YEATS2: variants seen among roughly 807,000 people sequenced by gnomAD.
YEATS2 encodes the protein YEATS domain-containing protein 2.
Under a neutral mutation model 163.2 loss-of-function variants are expected in YEATS2, and 77 were observed. That is an observed-to-expected ratio of 0.47 (90% CI 0.39 to 0.57). YEATS2 has a LOEUF of 0.57. YEATS2 is among the 20% of genes least tolerant of loss of function. The pLI, the probability that YEATS2 is intolerant of heterozygous loss-of-function variation, is 0.00. For synonymous variants in YEATS2, 631 were observed against 645.1 expected (o/e 0.98, Z 0.33); for missense variants, 1,549 against 1,729.8 (o/e 0.90, Z 1.85).
Position 183,808,060 on chromosome 3 carries a change from C to A in YEATS2, c.4042C>A (p.His1348Asn). ...GATCACCCTGCAGCCCGTGGCACTC[C>A]ACAGGAACGTGTATGCGTCCGTGGT... is the stretch of plus-strand genomic sequence containing the variant. ...IGITLQPVALHRNVYASVVED... is the reference protein window; with the variant it reads ...IGITLQPVALNRNVYASVVED... Residue 1348 changes from histidine (H) to asparagine (N), a missense_variant, in exon 29 of 31, where the codon CAC becomes AAC. Physicochemically the swap from His to Asn is moderately conservative, Grantham distance 68. Coordinates refer to ENST00000305135, the MANE Select transcript of YEATS2 (RefSeq NM_018023.5). The A allele has an allele frequency of 6.4e-7, 1 of 1,563,614 alleles. No homozygotes were observed. Among genetic ancestry groups the A allele is most frequent in the Admixed American group, 1.9e-5 (1 of 52,740 alleles).
rs869091775 is a variant in YEATS2 at position 183,730,052 on chromosome 3, G to GTTTTTTTTTTTTTTTTTTTT, written c.812+1217_812+1236dup. On this transcript the variant is annotated intron_variant, in intron 7 of 30. Coordinates refer to ENST00000305135, the MANE Select transcript of YEATS2 (RefSeq NM_018023.5). ...ATATTAATTGTGTGGTTTTTTGTTT[G>GTTTTTTTTTTTTTTTTTTTT]TTTTTTTTTTTTTTTTTTTTTTTTT... is the stretch of plus-strand genomic sequence containing the variant. Among the ~76,000 whole-genome samples the GTTTTTTTTTTTTTTTTTTTT allele has an allele frequency of 9.6e-5, 4 of 41,698 alleles. 1 individual carries two copies. Among genetic ancestry groups the GTTTTTTTTTTTTTTTTTTTT allele is most frequent in the African/African-American group, 2.5e-4 (3 of 12,130 alleles). 27.4% of individuals were successfully genotyped at this position (41,698 alleles called of 152,430 possible).
chr3:183,736,535 G>A (rs1409615175), intron 7 of YEATS2, among the ~76,000 whole-genome samples, 183 bp from the exon 8 acceptor site: 1 of 152,118 alleles, frequency 6.6e-6, no homozygotes, highest in African/African-American at 2.4e-5. Flanking sequence ...TTTGAGTTGA[G>A]TTTTTTCTTT....
chr3:183,699,352 G>A (rs1713820985), intron 1 of YEATS2, among the ~76,000 whole-genome samples: 1 of 151,680 alleles, frequency 6.6e-6, no homozygotes, highest in Non-Finnish European at 1.5e-5. Flanking sequence ...TTATGAAGTC[G>A]GTGTGTTGAG....
chr3:183,785,347 G>A (rs1361837020), intron 19 of YEATS2, among the ~76,000 whole-genome samples: 3 of 151,532 alleles, frequency 2.0e-5, no homozygotes, highest in Admixed American at 1.3e-4. Flanking sequence ...AATTAGTTGG[G>A]CGTGGTGGCA....
intron 18 of YEATS2, among the ~76,000 whole-genome samples, chr3:183,776,692 G>A (rs780731646): frequency 2.0e-5 from 3 of 152,120 alleles, no homozygotes; most frequent in African/African-American, 4.8e-5. Context: ...GGTGGCTCAC[G>A]CCTGTAATCC....
At chr3:183,787,110 A>T (rs1210736944) in intron 20 of YEATS2, among the ~76,000 whole-genome samples, 1 of 151,998 alleles carries the variant, frequency 6.6e-6, no homozygotes, top group East Asian at 1.9e-4. Flanking sequence ...ACGCACCACC[A>T]TGTCCGGCTA....
In YEATS2 at chr3:183,807,064, C is replaced by T; in HGVS notation, c.3983C>T (p.Ser1328Phe). The change falls in exon 28 of 31, where the codon TCT becomes TTT. Residue 1328 changes from serine (S) to phenylalanine (F), a missense_variant. Ser to Phe is a radical substitution (Grantham distance 155). Transcript: ENST00000305135. ...VKFYLPPTPG[S>F]EFIGDVTQKI... ...TTCTACCTGCCACCAACCCCAGGGT[C>T]TGAATTTATTGGGGATGTCACACAG... 1 of 1,613,836 alleles carries T rather than the reference C, an allele frequency of 6.2e-7. No individual in the cohort carries two copies. Among genetic ancestry groups the T allele is most frequent in the African/African-American group, 1.3e-5 (1 of 75,042 alleles).
At chr3:183,773,002 A>G (rs1311483536) in intron 16 of YEATS2, among the ~76,000 whole-genome samples, 2 of 152,238 alleles carry the variant, frequency 1.3e-5, no homozygotes, top group Non-Finnish European at 2.9e-5. Context: ...TAACAATGTA[A>G]TAACAATGTA....
At chr3:183,790,695 A>G (rs963470445) in intron 20 of YEATS2, 102 bp from the exon 21 acceptor site, 8 of 1,286,084 alleles carry the variant, frequency 6.2e-6, no homozygotes, top group Middle Eastern at 4.2e-4. Flanking sequence ...TTAACACCTA[A>G]TAGATGATAT....
In YEATS2 at chr3:183,756,694, G is replaced by C; in HGVS notation, c.1552+5G>C. ...GAGCCACCACTCCCAGTACAGGTGT[G>C]TATTAGATCCATATTTGTACCATCT... is the stretch of plus-strand genomic sequence containing the variant. On this transcript the variant is annotated splice_donor_5th_base_variant and intron_variant, in intron 12 of 30. Transcript: ENST00000305135. 1 of 1,515,750 alleles carries C rather than the reference G, an allele frequency of 6.6e-7. No homozygotes were observed. Among genetic ancestry groups the C allele is most frequent in the Non-Finnish European group, 8.8e-7 (1 of 1,130,694 alleles). 93.9% of individuals were successfully genotyped at this position (1,515,750 alleles called of 1,614,324 possible).
At chr3:183,709,216 C>T (rs563490177) in intron 1 of YEATS2, among the ~76,000 whole-genome samples, 2 of 152,036 alleles carry the variant, frequency 1.3e-5, no homozygotes, top group Admixed American at 6.6e-5. Flanking sequence ...AAAACTCAGA[C>T]TTGGTTATGT....
chr3:183,738,164 T>C (rs1181785694), intron 8 of YEATS2, among the ~76,000 whole-genome samples: 1 of 152,098 alleles, frequency 6.6e-6, no homozygotes, highest in Non-Finnish European at 1.5e-5. Flanking sequence ...ATTCCCTCTT[T>C]TGGGGCCTTC....
intron 28 of YEATS2, 45 bp downstream of exon 28, chr3:183,807,137 A>G: frequency 6.4e-7 from 1 of 1,552,122 alleles, no homozygotes; most frequent in Non-Finnish European, 8.8e-7. Context: ...ACCAGCTCAG[A>G]GCTAGATGTT....
At chr3:183,787,039 C>T (rs1189773366) in intron 20 of YEATS2, among the ~76,000 whole-genome samples, 3 of 152,076 alleles carry the variant, frequency 2.0e-5, no homozygotes, top group Admixed American at 2.0e-4. Context: ...ACTGGAACCT[C>T]CATCTCCCGG....
At chr3:183,797,805 TG>T in intron 21 of YEATS2, 117 bp from the exon 22 acceptor site, 1 of 1,298,730 alleles carries the variant, frequency 7.7e-7, no homozygotes, top group Non-Finnish European at 1.1e-6. Flanking sequence ...CTTTGTTTAC[TG>T]GAAGGTTAAA....
rs1227203612 is a variant in YEATS2 at position 183,722,904 on chromosome 3, G to A, written c.537+768G>A. On this transcript the variant is annotated intron_variant, in intron 5 of 30. Transcript: ENST00000305135. ...CCTGACTTCATGATCTGCCTGCCTC[G>A]GCCTCTCAAAGTGCTGGGATTACAG... 3.3e-5 allele frequency among the ~76,000 whole-genome samples: 5 copies of A among 152,082 alleles called. No homozygotes were observed. In the South Asian group the frequency reaches 6.2e-4, roughly 19 times the overall value.
In YEATS2 at chr3:183,762,451, G is replaced by A. The variant is rs2293032; in HGVS notation, c.1947+172G>A. The stretch of plus-strand genomic sequence containing the variant: ...GTTGGTGTGAAACTCTTCTACTCCT[G>A]TAGTAATCATTGGCAAGAGCCGCGT... On this transcript the variant is annotated intron_variant, in intron 15 of 30. Coordinates refer to ENST00000305135, the MANE Select transcript of YEATS2 (RefSeq NM_018023.5). Among the ~76,000 whole-genome samples the A allele has an allele frequency of 0.012, 1,849 of 152,342 alleles. 66 individuals are homozygous for A. In the East Asian group the frequency reaches 0.14, roughly 12 times the overall value.
rs1443367918 is a variant in YEATS2, at chr3:183,785,641, G to A, written c.2737-484G>A. 2.6e-5 allele frequency among the ~76,000 whole-genome samples: 4 copies of A among 151,984 alleles called. No homozygotes were observed. In the East Asian group the frequency reaches 7.7e-4, roughly 29 times the overall value. ...ATTACACTCCAGCCTAGGTGACAGA[G>A]CAAGACCCTGTCTCTAAAAAAATAA... is the stretch of plus-strand genomic sequence containing the variant. On this transcript the variant is annotated intron_variant, in intron 19 of 30. Coordinates refer to ENST00000305135, the MANE Select transcript of YEATS2 (RefSeq NM_018023.5).
chr3:183,739,449 A>G (rs1718719359), intron 8 of YEATS2, among the ~76,000 whole-genome samples: 1 of 87,200 alleles, frequency 1.1e-5, no homozygotes, highest in Non-Finnish European at 2.3e-5. Context: ...GCTCAAGGAA[A>G]TAAAAGAGGA....
Sources: gnomAD v4.1 joint callset for allele counts (sites outside exome capture counted in the v4.1 genomes callset) on GRCh38, gnomAD v4.1.1 for gene constraint, MANE v1.5 for transcripts, NCBI Gene and HGNC (gene_info 2026-07-23, HGNC 2026-07-21) for gene names.